The following NOL8 variants were observed in gnomAD, a reference collection of about 807,000 sequenced individuals.
NOL8 encodes the protein nucleolar protein Nop132.
NOL8 carries 93 observed loss-of-function variants against 116.1 expected under a neutral mutation model. The observed-to-expected ratio is 0.80, with a 90% confidence interval of 0.68 to 0.95. The LOEUF (loss-of-function observed/expected upper bound fraction) is 0.95, where lower values mean the gene tolerates loss of function less well. NOL8 is among the 40% of genes least tolerant of loss of function. The pLI is 0.00. For missense variants in NOL8, 1,291 were observed against 1,382.8 expected, an observed-to-expected ratio of 0.93 and a Z score of 1.05; for synonymous variants, 419 against 469.0, an observed-to-expected ratio of 0.89 and a Z score of 1.38.
At chr9:92,299,074 T>C in intron 14 of NOL8, 120 bp from the exon 15 acceptor site, 3 of 493,078 alleles carry the variant, frequency 6.1e-6, no homozygotes, top group Non-Finnish European at 3.5e-6. Flanking sequence ...ATATCTTTTT[T>C]CATTTCCCCC....
intron 14 of NOL8, 113 bp downstream of exon 14, chr9:92,299,776 AG>A (rs1289202655): frequency 3.5e-6 from 4 of 1,133,224 alleles, no homozygotes; most frequent in African/African-American, 1.6e-5. Context: ...AAATAAAAAA[AG>A]AAGCTAAGAC....
chr9:92,300,378 G>A (rs1837633468), intron 13 of NOL8: 1 of 990,458 alleles, frequency 1.0e-6, no homozygotes, highest in Non-Finnish European at 1.2e-6. Context: ...AGGATACAGG[G>A]AAATCAGGTT....
intron 12 of NOL8, among the ~76,000 whole-genome samples, chr9:92,303,469 C>CATATTGTCTATGG: frequency 6.6e-6 from 1 of 152,286 alleles, no homozygotes; most frequent in Non-Finnish European, 1.5e-5. Context: ...CATTTGTTTA[C>CATATTGTCTATGG]ATATTGTCTA....
intron 1 of NOL8, 135 bp from the exon 2 acceptor site, chr9:92,324,344 G>T: frequency 1.4e-6 from 1 of 722,318 alleles, no homozygotes; most frequent in South Asian, 2.3e-5. Flanking sequence ...CCAAATTTTA[G>T]TCTTCGAGGT....
chr9:92,307,631 A>C (rs1838395555), intron 10 of NOL8, among the ~76,000 whole-genome samples: 1 of 152,242 alleles, frequency 6.6e-6, no homozygotes, highest in African/African-American at 2.4e-5. Flanking sequence ...ACAGAAATAC[A>C]AAAGTAGTCT....
intron 3 of NOL8, among the ~76,000 whole-genome samples, chr9:92,322,224 G>A (rs1399390246): frequency 6.6e-6 from 1 of 152,134 alleles, no homozygotes; most frequent in African/African-American, 2.4e-5. Context: ...TGTAGAACTT[G>A]CAGATGAATT....
chr9:92,298,464 T>A (rs977464911), intron 15 of NOL8, 128 bp from the exon 16 acceptor site: 15 of 575,020 alleles, frequency 2.6e-5, no homozygotes, highest in Non-Finnish European at 3.9e-5. Context: ...TTTCTACCTA[T>A]TTTCAAAAAT....
chr9:92,301,592 G>A lies in NOL8; in HGVS notation c.3134C>T (p.Thr1045Met). The A allele has an allele frequency of 3.7e-6, 6 of 1,605,234 alleles. No individual in the cohort carries two copies. Among genetic ancestry groups the A allele is most frequent in the Non-Finnish European group, 3.4e-6 (4 of 1,176,650 alleles). Residue 1045 changes from threonine to methionine, a missense_variant, in exon 13 of 17, where the codon ACG becomes ATG. By Grantham distance (81) the Thr-to-Met change is moderately conservative (BLOSUM62 -1). Transcript: ENST00000442668. ...AGTGTCTGAATCAAAAAAAGAGAACGTGAACCCGCTGGGCTGCTCAGCGTC... is the reference window on the plus strand; with the variant it reads ...AGTGTCTGAATCAAAAAAAGAGAACATGAACCCGCTGGGCTGCTCAGCGTC... ...TSDAEQPSGF[T>M]FSFFDSDTKD...
At chr9:92,317,507 A>G (rs1366468408) in intron 6 of NOL8, among the ~76,000 whole-genome samples, 2 of 152,198 alleles carry the variant, frequency 1.3e-5, no homozygotes, top group Non-Finnish European at 2.9e-5. Context: ...GCCTGGATTC[A>G]GGTAGTAGTG....
chr9:92,299,300 C>A (rs376812462), intron 14 of NOL8, among the ~76,000 whole-genome samples: 1 of 152,170 alleles, frequency 6.6e-6, no homozygotes, highest in Non-Finnish European at 1.5e-5. Flanking sequence ...TGGGTAGGCA[C>A]CCAGTCAACT....
chr9:92,298,387 G>A lies in NOL8; in HGVS notation c.3374-51C>T. ...GAGGCAGCAAACTACTACTAAAATT[G>A]GTAATATTCTAAGTGTTGGCATTAT... On this transcript the variant is annotated intron_variant, in intron 15 of 16. Coordinates refer to ENST00000442668, the MANE Select transcript of NOL8 (RefSeq NM_017948.6). 2.6e-6 allele frequency: 3 copies of A among 1,170,784 alleles called. No homozygotes were observed. In the South Asian group the frequency reaches 4.1e-5, roughly 16 times the overall value. 72.5% of individuals were successfully genotyped at this position (1,170,784 alleles called of 1,614,324 possible).
chr9:92,323,251 A>G, intron 3 of NOL8, 190 bp downstream of exon 3: 1 of 1,483,602 alleles, frequency 6.7e-7, no homozygotes, highest in South Asian at 1.3e-5. Context: ...AAGTGCTACC[A>G]TGTCTGCTGA....
intron 7 of NOL8, among the ~76,000 whole-genome samples, chr9:92,312,827 C>CAAAAAAAAAAAAAAAAAA (rs35089570): frequency 1.8e-5 from 1 of 55,466 alleles, no homozygotes; most frequent in Non-Finnish European, 3.4e-5. Flanking sequence ...AACTCCATCT[C>CAAAAAAAAAAAAAAAAAA]AAAAAAAAAA....
rs1189138148 is a variant in NOL8, at chr9:92,299,926, A to C, written c.3266T>G (p.Val1089Gly). The part of the protein sequence containing the change: ...LQDSSSEEED[V>G]TEETDHRNSS... Reference sequence around the variant, plus strand: ...GTTTCTGTGATCTGTTTCTTCAGTAACATCTTCCTCTTCTGAACTGCTGTC... The same window carrying C: ...GTTTCTGTGATCTGTTTCTTCAGTACCATCTTCCTCTTCTGAACTGCTGTC... Residue 1089 changes from valine (V) to glycine (G), a missense_variant, in exon 14 of 17, where the codon GTT becomes GGT. Val to Gly is a moderately radical substitution (Grantham distance 109). Transcript: ENST00000442668. The C allele has an allele frequency of 1.2e-6, 2 of 1,613,570 alleles. No homozygotes were observed. Among genetic ancestry groups the C allele is most frequent in the Admixed American group, 1.7e-5 (1 of 60,004 alleles).
At chr9:92,319,868 G>C (rs1839773955) in intron 4 of NOL8, 1 of 363,042 alleles carries the variant, frequency 2.8e-6, no homozygotes, top group Non-Finnish European at 5.4e-6. Flanking sequence ...TCCCACCAGA[G>C]CATGAGGGTT....
chr9:92,322,266 A>C (rs950330302), intron 3 of NOL8, among the ~76,000 whole-genome samples: 2 of 152,220 alleles, frequency 1.3e-5, no homozygotes, highest in African/African-American at 4.8e-5. Context: ...TTGAATTACT[A>C]TGCCGTAGTA....
At chr9:92,305,512 A>G (rs1277427560) in intron 12 of NOL8, among the ~76,000 whole-genome samples, 1 of 152,236 alleles carries the variant, frequency 6.6e-6, no homozygotes, top group Admixed American at 6.5e-5. Context: ...GGCATCATTT[A>G]TACAAATAAA....
intron 10 of NOL8, among the ~76,000 whole-genome samples, chr9:92,307,936 G>A (rs1482579520): frequency 6.6e-6 from 1 of 152,102 alleles, no homozygotes; most frequent in Non-Finnish European, 1.5e-5. Flanking sequence ...CACTGCATTA[G>A]GTTGAAACTG....
In NOL8 at chr9:92,315,911, C is replaced by G. The variant is rs748379079; in HGVS notation, c.714G>C (p.Arg238Ser). 1.1e-5 allele frequency: 17 copies of G among 1,613,744 alleles called. No individual in the cohort carries two copies. The African/African-American group carries it at 2.1e-4, about 20-fold the overall frequency. The change falls in exon 7 of 17, where the codon AGG becomes AGC. Residue 238 changes from arginine (R) to serine (S), a missense_variant. Physicochemically the swap from Arg to Ser is moderately radical, Grantham distance 110. Coordinates refer to ENST00000442668, the MANE Select transcript of NOL8 (RefSeq NM_017948.6). The part of the protein sequence containing the change: ...SSTGSLAMST[R>S]PRRVIERPPL... ...GTGGTCTCTCTATTACCCTCCTGGG[C>G]CTTGTACTCATGGCCAGAGACCCAG...
Sources: gnomAD v4.1 joint callset for allele counts (sites outside exome capture counted in the v4.1 genomes callset) on GRCh38, gnomAD v4.1.1 for gene constraint, MANE v1.5 for transcripts, NCBI Gene and HGNC (gene_info 2026-07-23, HGNC 2026-07-21) for gene names.